Variants in DLGAP4 observed in about 807,000 individuals in gnomAD.
DLGAP4 encodes the protein DLG associated protein 4.
DLGAP4 carries 18 observed loss-of-function variants against 86.9 expected under a neutral mutation model. The observed-to-expected ratio is 0.21, with a 90% CI of 0.14 to 0.31. The LOEUF (loss-of-function observed/expected upper bound fraction) is 0.31, where lower values mean the gene tolerates loss of function less well. DLGAP4 is among the 10% of genes least tolerant of loss of function. The probability of loss-of-function intolerance (pLI) is 1.00; values close to 1 mark genes in which losing one functional copy is unlikely to be tolerated. For synonymous variants in DLGAP4, 548 were observed against 574.3 expected, an observed-to-expected ratio of 0.95 and a Z score of 0.65; for missense variants, 1,085 against 1,362.6, an observed-to-expected ratio of 0.80 and a Z score of 3.21.
chr20:36,426,764 G>A (rs1369477574), intron 2 of DLGAP4, among the ~76,000 whole-genome samples: 1 of 152,094 alleles, frequency 6.6e-6, no homozygotes, highest in Non-Finnish European at 1.5e-5. Flanking sequence ...TAATACCTAC[G>A]GGAAATAGGA....
At chr20:36,456,828 G>A (rs1045628337) in intron 7 of DLGAP4, among the ~76,000 whole-genome samples, 7 of 152,244 alleles carry the variant, frequency 4.6e-5, no homozygotes, top group Non-Finnish European at 8.8e-5. Context: ...GGGGCATTCT[G>A]TATCCCCTCA....
At chr20:36,323,308 C>T (rs1881515666) in intron 1 of DLGAP4, among the ~76,000 whole-genome samples, 1 of 151,844 alleles carries the variant, frequency 6.6e-6, no homozygotes, top group Admixed American at 6.6e-5. Flanking sequence ...CTCCTAAAGC[C>T]ATAGCTTTGT....
intron 1 of DLGAP4, among the ~76,000 whole-genome samples, chr20:36,318,165 T>C (rs952128630): frequency 4.2e-5 from 6 of 143,190 alleles, no homozygotes; most frequent in Non-Finnish European, 7.5e-5. Context: ...CACAGTCTAC[T>C]CCAGGAGTGA....
At chr20:36,440,799 C>T (rs1461708049) in intron 5 of DLGAP4, among the ~76,000 whole-genome samples, 2 of 152,040 alleles carry the variant, frequency 1.3e-5, no homozygotes, top group Non-Finnish European at 2.9e-5. Flanking sequence ...CAGACACCTA[C>T]TGGTAGTAGC....
At chr20:36,452,334 A>G (rs1600549381) in intron 7 of DLGAP4, among the ~76,000 whole-genome samples, 1 of 152,116 alleles carries the variant, frequency 6.6e-6, no homozygotes, top group East Asian at 1.9e-4. Flanking sequence ...ATGCAGTACC[A>G]TGCCTGGCTA....
At chr20:36,508,419 G>GTTTTTTTTGTTTT (rs1569523131) in intron 10 of DLGAP4, 2 of 134,604 alleles carry the variant, frequency 1.5e-5, no homozygotes, top group African/African-American at 6.0e-5. Flanking sequence ...ATGTTTCAGG[G>GTTTTTTTTGTTTT]TTCTTTTTTT....
At chr20:36,423,455 C>CAG (rs2032886078) in intron 2 of DLGAP4, among the ~76,000 whole-genome samples, 1 of 16,334 alleles carries the variant, frequency 6.1e-5, no homozygotes, top group African/African-American at 3.0e-4. Context: ...GACTCCGTCT[C>CAG]AAAAAAAAAA....
At chr20:36,469,342 C>G (rs1331020355) in intron 7 of DLGAP4, among the ~76,000 whole-genome samples, 1 of 152,060 alleles carries the variant, frequency 6.6e-6, no homozygotes, top group Non-Finnish European at 1.5e-5. Context: ...CACTTCAGGT[C>G]CCTGTAGTTT....
At chr20:36,396,994 C>T (rs1160187643) in intron 2 of DLGAP4, among the ~76,000 whole-genome samples, 3 of 152,298 alleles carry the variant, frequency 2.0e-5, no homozygotes, top group East Asian at 1.9e-4. Context: ...GAAGAACCAT[C>T]TTTATTCCCA....
intron 1 of DLGAP4, among the ~76,000 whole-genome samples, chr20:36,332,477 C>T (rs146326664): frequency 2.0e-5 from 3 of 152,244 alleles, no homozygotes; most frequent in Non-Finnish European, 4.4e-5. Flanking sequence ...GCAACCTCTG[C>T]CTCTGGGGTT....
chr20:36,446,638 C>T (rs1307234581), intron 6 of DLGAP4, 59 bp from the exon 7 acceptor site: 42 of 1,516,932 alleles, frequency 2.8e-5, no homozygotes, highest in Non-Finnish European at 3.4e-5. Context: ...CACCAAGAAC[C>T]GCTCCCCCCA....
chr20:36,477,341 C>T (rs530959646), intron 7 of DLGAP4, among the ~76,000 whole-genome samples: 11 of 149,630 alleles, frequency 7.4e-5, no homozygotes, highest in South Asian at 4.3e-4. Context: ...GTGATCCACC[C>T]GCCTCTGCCT....
chr20:36,432,782 G>T lies in DLGAP4; in HGVS notation c.999+66G>T. On this transcript the variant is annotated intron_variant, in intron 3 of 12. Coordinates refer to ENST00000339266, the MANE Select transcript of DLGAP4 (RefSeq NM_001365621.2). This position sits in a 1 kb window ranked among gnomAD's most constrained non-coding sequence, Gnocchi z 6.5. Reference sequence around the variant, plus strand: ...GGGACGGCACCAGTTTTGAGGCCTAGACGTACCACAGATTCACTTGGAAAG... The same window carrying T: ...GGGACGGCACCAGTTTTGAGGCCTATACGTACCACAGATTCACTTGGAAAG... The T allele has an allele frequency of 6.4e-7, 1 of 1,560,182 alleles. No homozygotes were observed. Among genetic ancestry groups the T allele is most frequent in the Non-Finnish European group, 8.7e-7 (1 of 1,148,736 alleles).
At chr20:36,461,718 C>T in intron 7 of DLGAP4, 3 of 881,150 alleles carry the variant, frequency 3.4e-6, no homozygotes, top group Non-Finnish European at 4.0e-6. Flanking sequence ...CCTCCTCCTC[C>T]TCCTCCCCGT....
chr20:36,319,161 A>G (rs1156602823), intron 1 of DLGAP4, among the ~76,000 whole-genome samples: 1 of 151,984 alleles, frequency 6.6e-6, no homozygotes, highest in Non-Finnish European at 1.5e-5. Flanking sequence ...AAAAAAAAAA[A>G]AGAAAAACTG....
intron 7 of DLGAP4, among the ~76,000 whole-genome samples, chr20:36,454,149 C>T (rs2033818082): frequency 6.6e-6 from 1 of 151,142 alleles, no homozygotes; most frequent in South Asian, 2.1e-4. Context: ...ATCCTAGCTA[C>T]TCGGGAGGCT....
intron 7 of DLGAP4, among the ~76,000 whole-genome samples, chr20:36,474,051 C>T (rs1331838879): frequency 6.6e-6 from 1 of 152,248 alleles, no homozygotes; most frequent in Non-Finnish European, 1.5e-5. Context: ...TGTAGTCCAG[C>T]ATGAGGACAA....
intron 1 of DLGAP4, among the ~76,000 whole-genome samples, chr20:36,318,326 G>C (rs1600393993): frequency 6.6e-6 from 1 of 152,162 alleles, no homozygotes; most frequent in African/African-American, 2.4e-5. Context: ...GTCCTCACAG[G>C]AGCGGAGGCA....
intron 1 of DLGAP4, among the ~76,000 whole-genome samples, chr20:36,334,934 G>A (rs77146213): frequency 7.9e-5 from 12 of 152,252 alleles, no homozygotes; most frequent in South Asian, 2.1e-4. Context: ...ATTGCCCCCC[G>A]GGGGTGGCAG....
Sources: allele counts gnomAD v4.1 joint callset (sites outside exome capture counted in the v4.1 genomes callset), GRCh38; gene constraint gnomAD v4.1.1; non-coding constraint Gnocchi (gnomAD v3.1); transcripts MANE v1.5; gene names NCBI Gene and HGNC (gene_info 2026-07-23, HGNC 2026-07-21).